The following GREB1L variants were observed in gnomAD, a reference collection of about 807,000 sequenced individuals.
GREB1L encodes GREB1-like protein.
A neutral mutation model predicts 200.8 loss-of-function variants in GREB1L; 17 were observed. That is an observed-to-expected ratio of 0.08 (90% CI 0.06 to 0.13). The LOEUF (loss-of-function observed/expected upper bound fraction) is 0.13, where lower values mean the gene tolerates loss of function less well. GREB1L is among the 10% of genes least tolerant of loss of function. The pLI is 1.00. For synonymous variants in GREB1L, 789 were observed against 893.0 expected (o/e 0.88, Z 2.08); for missense variants, 1,657 against 2,367.7 (o/e 0.70, Z 6.23).
chr18:21,274,618 G>A (rs1004108264), intron 1 of GREB1L, among the ~76,000 whole-genome samples: 1 of 152,102 alleles, frequency 6.6e-6, no homozygotes, highest in Non-Finnish European at 1.5e-5. Flanking sequence ...TACCGGCTAG[G>A]CACAATGACA....
intron 16 of GREB1L, among the ~76,000 whole-genome samples, chr18:21,473,568 CAAAAAAAA>C (rs1261372851): frequency 2.1e-5 from 1 of 46,650 alleles, no homozygotes; most frequent in Non-Finnish European, 4.2e-5. Context: ...GACTTTGTCT[CAAAAAAAA>C]AAAAAAAAAA....
At chr18:21,493,791 G>A (rs796436350) in intron 19 of GREB1L, among the ~76,000 whole-genome samples, 3 of 149,252 alleles carry the variant, frequency 2.0e-5, no homozygotes, top group African/African-American at 7.4e-5. Flanking sequence ...GCTTGAACCC[G>A]GGAGGTGGAG....
At chr18:21,511,060 T>G (rs1457860134) in intron 27 of GREB1L, among the ~76,000 whole-genome samples, 1 of 152,154 alleles carries the variant, frequency 6.6e-6, no homozygotes, top group African/African-American at 2.4e-5. Flanking sequence ...ATTAATGCCT[T>G]ATCAGATACA....
At chr18:21,270,683 C>G (rs2038064018) in intron 1 of GREB1L, among the ~76,000 whole-genome samples, 1 of 152,194 alleles carries the variant, frequency 6.6e-6, no homozygotes, top group Non-Finnish European at 1.5e-5. Context: ...CACAGGCTGC[C>G]AGGCAACCTT....
rs775401471 is a variant in GREB1L at position 21,520,785 on chromosome 18, T to C, written c.5570T>C (p.Phe1857Ser). 2.1e-6 allele frequency: 3 copies of C among 1,417,982 alleles called. No individual in the cohort carries two copies. Among genetic ancestry groups the C allele is most frequent in the East Asian group, 5.5e-5 (2 of 36,384 alleles). The allele number at this position is 1,417,982 out of a possible 1,614,324, so 87.8% of individuals were successfully genotyped here. Reference sequence around the variant, plus strand: ...CTCCTTTTGTACCTCTGTGACTCTTTTGTAGGTGCTGATCTTAAGAAATTT... The same window carrying C: ...CTCCTTTTGTACCTCTGTGACTCTTCTGTAGGTGCTGATCTTAAGAAATTT... ...SGLLLYLCDSFVGADLKKFKF... is the reference protein window; with the variant it reads ...SGLLLYLCDSSVGADLKKFKF... Residue 1857 changes from phenylalanine (F) to serine (S), a missense_variant, in exon 32 of 33, where the codon TTT becomes TCT. Physicochemically the swap from Phe to Ser is radical, Grantham distance 155. Transcript: ENST00000424526.
At chr18:21,293,829 G>A (rs2144613535) in intron 1 of GREB1L, among the ~76,000 whole-genome samples, 1 of 152,178 alleles carries the variant, frequency 6.6e-6, no homozygotes, top group South Asian at 2.1e-4. Context: ...ACCCAGGCTG[G>A]AGTGCAGTGG....
In GREB1L at chr18:21,416,630, C is replaced by T. The variant is rs1214750798; in HGVS notation, c.832+12636C>T. On this transcript the variant is annotated intron_variant, in intron 7 of 32. Transcript: ENST00000424526. ...AATGGCGTGAACCCGGGAGGCAGAGCTTGCAGTGAGCCAAGATTGCCCCAC... is the reference window on the plus strand; with the variant it reads ...AATGGCGTGAACCCGGGAGGCAGAGTTTGCAGTGAGCCAAGATTGCCCCAC... 4.7e-5 allele frequency among the ~76,000 whole-genome samples: 7 copies of T among 149,082 alleles called. No individual in the cohort carries two copies. In the East Asian group the frequency reaches 8.1e-4, roughly 17 times the overall value.
chr18:21,288,847 C>T (rs1464113453), intron 1 of GREB1L, among the ~76,000 whole-genome samples: 1 of 152,088 alleles, frequency 6.6e-6, no homozygotes, highest in Non-Finnish European at 1.5e-5. Context: ...AAGTGATTCT[C>T]CTGCCTCAGC....
chr18:21,522,685 A>G lies in GREB1L; in HGVS notation c.5636A>G (p.Asp1879Gly), dbSNP rs1472842803. Reference sequence around the variant, plus strand: ...GCTACACTGTGTGTCATCTGCCAAGACAGAAGTTCCTTGCGCCAAACAATT... The same window carrying G: ...GCTACACTGTGTGTCATCTGCCAAGGCAGAAGTTCCTTGCGCCAAACAATT... ...KGATLCVICQ[D>G]RSSLRQTIVR... The change falls in exon 33 of 33, where the codon GAC becomes GGC. Residue 1879 changes from aspartate to glycine, a missense_variant. This residue lies in a region of GREB1L where 190 missense variants were observed against 230.2 expected (regional missense o/e 0.83). Coordinates refer to ENST00000424526, the MANE Select transcript of GREB1L (RefSeq NM_001142966.3). The G allele has an allele frequency of 6.4e-7, 1 of 1,551,608 alleles. No homozygotes were observed. The highest frequency in any genetic ancestry group is 1.2e-5 in the South Asian group (1 of 84,048).
At chr18:21,522,510 C>A in intron 32 of GREB1L, 148 bp from the exon 33 acceptor site, 1 of 622,958 alleles carries the variant, frequency 1.6e-6, no homozygotes, top group Non-Finnish European at 2.6e-6. Context: ...ATTTGCAAAA[C>A]TACTTAATAA....
At chr18:21,501,789 A>G (rs2036804677) in intron 23 of GREB1L, among the ~76,000 whole-genome samples, 1 of 152,320 alleles carries the variant, frequency 6.6e-6, no homozygotes, top group Admixed American at 6.5e-5. Flanking sequence ...AATGAGATGA[A>G]AACTTCTATG....
chr18:21,378,158 C>T (rs2040153015), intron 2 of GREB1L, among the ~76,000 whole-genome samples: 2 of 152,160 alleles, frequency 1.3e-5, no homozygotes, highest in African/African-American at 4.8e-5. Context: ...CATGGGGGCT[C>T]TTTGAGATTT....
intron 26 of GREB1L, 49 bp from the exon 27 acceptor site, chr18:21,508,338 C>G (rs2037100210): frequency 6.5e-7 from 1 of 1,549,602 alleles, no homozygotes; most frequent in Admixed American, 2.0e-5. Flanking sequence ...CGTCTTCAAT[C>G]TAGAGGCTTT....
chr18:21,402,419 C>A (rs1047861510), intron 6 of GREB1L, among the ~76,000 whole-genome samples: 1 of 151,008 alleles, frequency 6.6e-6, no homozygotes, highest in Admixed American at 6.6e-5. Context: ...TTTCATTTAT[C>A]TTTTTTTCTT....
chr18:21,349,142 C>A (rs192155594), intron 1 of GREB1L, among the ~76,000 whole-genome samples: 39 of 152,302 alleles, frequency 2.6e-4, no homozygotes, highest in Non-Finnish European at 4.4e-4. Flanking sequence ...TTCCTAGACT[C>A]CTGCAGAAAC....
chr18:21,332,750 C>T (rs111293916), intron 1 of GREB1L, among the ~76,000 whole-genome samples: 48,413 of 151,956 alleles, frequency 0.32, 8,879 homozygotes, highest in South Asian at 0.48. Context: ...GTTGAGATTA[C>T]AGGCGTGAGC....
In GREB1L at chr18:21,513,969, T is replaced by C; in HGVS notation, c.4884T>C (p.Ser1628=). 1 of 1,551,642 alleles carries C rather than the reference T, an allele frequency of 6.4e-7. No homozygotes were observed. The highest frequency in any genetic ancestry group is 8.7e-7 in the Non-Finnish European group (1 of 1,146,960). The change falls in exon 28 of 33, where the codon AGT becomes AGC. Residue 1628 remains serine, a synonymous_variant. Coordinates refer to ENST00000424526, the MANE Select transcript of GREB1L (RefSeq NM_001142966.3). ...CATGTGTCCTATGGAACATTCACAG[T>C]GTTCAGGAGCCATCCAGGTAGACTT... The part of the protein sequence containing the change: ...DDSCVLWNIH[S]VQEPSSQPME...
chr18:21,388,157 C>T (rs1272460904), intron 4 of GREB1L, among the ~76,000 whole-genome samples: 4 of 152,258 alleles, frequency 2.6e-5, no homozygotes, highest in Non-Finnish European at 4.4e-5. Flanking sequence ...CTAGACACAG[C>T]CCTGCTGTGC....
intron 7 of GREB1L, among the ~76,000 whole-genome samples, chr18:21,431,879 G>A (rs1437416403): frequency 7.0e-6 from 1 of 142,262 alleles, no homozygotes; most frequent in Non-Finnish European, 1.6e-5. Flanking sequence ...TTTTCATGTA[G>A]TAATAATTTT....
Sources: gnomAD v4.1 joint callset for allele counts (sites outside exome capture counted in the v4.1 genomes callset) on GRCh38, gnomAD v4.1.1 for gene constraint, gnomAD v4.1.1 regional missense constraint, MANE v1.5 for transcripts, NCBI Gene and HGNC (gene_info 2026-07-23, HGNC 2026-07-21) for gene names.